Variants in NCKAP5 observed in about 807,000 individuals in gnomAD.
NCKAP5 encodes the protein nck-associated protein 5.
In NCKAP5, 92 loss-of-function variants were observed where a neutral mutation model predicts 167.0. The ratio of observed to expected loss-of-function variants is 0.55; its 90% CI spans 0.47 to 0.66. The LOEUF is 0.66. Among genes scored for constraint, NCKAP5 ranks in the 30% least tolerant of loss-of-function variants. The pLI is 0.00. For missense variants in NCKAP5, 2,378 were observed against 2,315.0 expected, an observed-to-expected ratio of 1.03 and a Z score of -0.56; for synonymous variants, 891 against 877.4, an observed-to-expected ratio of 1.02 and a Z score of -0.27.
At chr2:132,903,786 A>G (rs775132429) in intron 8 of NCKAP5, among the ~76,000 whole-genome samples, 1 of 152,302 alleles carries the variant, frequency 6.6e-6, no homozygotes, top group East Asian at 1.9e-4. Context: ...CAAAACTAGT[A>G]AGAGTTTATT....
intron 6 of NCKAP5, among the ~76,000 whole-genome samples, chr2:133,126,300 A>G (rs1192879991): frequency 6.6e-6 from 1 of 152,206 alleles, no homozygotes; most frequent in East Asian, 1.9e-4. Flanking sequence ...AAACATACCA[A>G]TAAAACACAT....
chr2:132,931,593 A>G (rs1311586116), intron 8 of NCKAP5: 2 of 152,220 alleles, frequency 1.3e-5, no homozygotes, highest in Non-Finnish European at 2.9e-5. Context: ...CCAGCTATAA[A>G]AGTTCACAAT....
At position 132,785,183 on chromosome 2, in the gene NCKAP5, C is replaced by A. The variant is rs369957234; in HGVS notation, c.1628G>T (p.Ser543Ile). The A allele has an allele frequency of 3.2e-6, 5 of 1,584,636 alleles. No homozygotes were observed. Among genetic ancestry groups the A allele is most frequent in the Non-Finnish European group, 4.3e-6 (5 of 1,167,260 alleles). ...GCACAGCTTCATCTCTAAGGGACAG[C>A]TGCTGGCGCAACTTGTCAGCTTTTC... Reference protein sequence around the residue: ...RPEKLTSCASSCPLEMKLCPS... With the variant: ...RPEKLTSCASICPLEMKLCPS... The change falls in exon 14 of 20, where the codon AGC (serine) becomes ATC (isoleucine). Residue 543 changes from serine (S) to isoleucine (I), a missense_variant. By Grantham distance (142) the Ser-to-Ile change is moderately radical. Transcript: ENST00000409261.
At chr2:133,254,944 A>G (rs894134893) in intron 4 of NCKAP5, among the ~76,000 whole-genome samples, 5 of 152,088 alleles carry the variant, frequency 3.3e-5, no homozygotes. Context: ...GTGAAAAAAG[A>G]GCTTTCAGTT....
At chr2:132,978,899 C>G (rs1468657411) in intron 7 of NCKAP5, among the ~76,000 whole-genome samples, 2 of 152,186 alleles carry the variant, frequency 1.3e-5, no homozygotes, top group Non-Finnish European at 1.5e-5. Flanking sequence ...TCTTTCAACC[C>G]AGCAAACTTA....
At chr2:133,472,801 A>G (rs1679462437) in intron 3 of NCKAP5, among the ~76,000 whole-genome samples, 1 of 152,106 alleles carries the variant, frequency 6.6e-6, no homozygotes, top group African/African-American at 2.4e-5. Flanking sequence ...TTGGTTAGCA[A>G]CACCTCTAGG....
At chr2:133,235,845 A>G (rs1444667713) in intron 4 of NCKAP5, among the ~76,000 whole-genome samples, 2 of 151,640 alleles carry the variant, frequency 1.3e-5, no homozygotes, top group African/African-American at 4.9e-5. Context: ...CAGATGTTGC[A>G]GTGAGCCGAG....
chr2:133,431,984 C>G (rs545255972), intron 3 of NCKAP5, among the ~76,000 whole-genome samples: 1 of 152,230 alleles, frequency 6.6e-6, no homozygotes, highest in African/African-American at 2.4e-5. Context: ...ATTTGTTTCT[C>G]TCTGAAATAG....
At chr2:133,045,946 T>C (rs753934047) in intron 6 of NCKAP5, among the ~76,000 whole-genome samples, 78 of 152,206 alleles carry the variant, frequency 5.1e-4, no homozygotes, top group Non-Finnish European at 9.0e-4. Context: ...TGACAGTTGA[T>C]TTGATAAGCA....
intron 6 of NCKAP5, among the ~76,000 whole-genome samples, chr2:133,002,028 TA>T (rs1333249946): frequency 6.6e-6 from 1 of 151,808 alleles, no homozygotes; most frequent in Non-Finnish European, 1.5e-5. Flanking sequence ...AATATGGTAT[TA>T]TACCATTTTA....
chr2:132,928,555 T>C (rs1319205472), intron 8 of NCKAP5, among the ~76,000 whole-genome samples: 1 of 152,262 alleles, frequency 6.6e-6, no homozygotes, highest in South Asian at 2.1e-4. Flanking sequence ...AAAACTCAAG[T>C]GGGCAAGGGG....
At chr2:133,534,656 G>A (rs976385075) in intron 2 of NCKAP5, among the ~76,000 whole-genome samples, 27 of 152,104 alleles carry the variant, frequency 1.8e-4, no homozygotes, top group African/African-American at 5.8e-4. Context: ...GTTGCAGCAC[G>A]TGGCAATGCT....
chr2:133,334,916 G>T (rs1275206134), intron 3 of NCKAP5, among the ~76,000 whole-genome samples: 1 of 152,100 alleles, frequency 6.6e-6, no homozygotes, highest in Non-Finnish European at 1.5e-5. Flanking sequence ...GGCTGAGCTG[G>T]GTCTCTACTG....
intron 6 of NCKAP5, among the ~76,000 whole-genome samples, chr2:133,121,280 A>G (rs2082242725): frequency 6.6e-6 from 1 of 151,840 alleles, no homozygotes; most frequent in Non-Finnish European, 1.5e-5. Flanking sequence ...AGAAACTTAA[A>G]AGACATATCC....
intron 19 of NCKAP5, among the ~76,000 whole-genome samples, chr2:132,711,136 T>C (rs2105319919): frequency 6.6e-6 from 1 of 152,340 alleles, no homozygotes; most frequent in East Asian, 1.9e-4. Context: ...AATATGGTAG[T>C]GTTCTACAAT....
the NCKAP5 span, among the ~76,000 whole-genome samples, chr2:133,616,654 T>C: frequency 2.0e-5 from 3 of 152,054 alleles, no homozygotes; most frequent in Non-Finnish European, 2.9e-5. Context: ...ATTGTGGCAA[T>C]AATCAATAGC....
intron 6 of NCKAP5, among the ~76,000 whole-genome samples, chr2:133,050,757 T>C (rs1329860887): frequency 6.6e-6 from 1 of 152,232 alleles, no homozygotes; most frequent in African/African-American, 2.4e-5. Context: ...TACACCAGTT[T>C]TGTAAAATGT....
the NCKAP5 span, among the ~76,000 whole-genome samples, chr2:133,604,540 G>C: frequency 1.3e-5 from 2 of 151,908 alleles, no homozygotes; most frequent in African/African-American, 4.8e-5. Context: ...ACACGTGGGG[G>C]GAATTCTACT....
chr2:132,835,538 A>T (rs61240826), intron 11 of NCKAP5, among the ~76,000 whole-genome samples: 10,542 of 150,478 alleles, frequency 0.07, 729 homozygotes, highest in African/African-American at 0.16. Flanking sequence ...TTCTAATGTC[A>T]TTTATCTGAA....
Sources: allele counts gnomAD v4.1 joint callset (sites outside exome capture counted in the v4.1 genomes callset), GRCh38; gene constraint gnomAD v4.1.1; transcripts MANE v1.5; gene names NCBI Gene and HGNC (gene_info 2026-07-23, HGNC 2026-07-21).